Variants in ADAMTSL3 observed in about 807,000 individuals in gnomAD.
ADAMTSL3 encodes ADAMTS like 3, also known as ADAMTS-like protein 3.
Under a neutral mutation model 201.7 loss-of-function variants are expected in ADAMTSL3, and 128 were observed. The ratio of observed to expected loss-of-function variants is 0.63; its 90% CI spans 0.55 to 0.73. The LOEUF (loss-of-function observed/expected upper bound fraction) is 0.73, where lower values mean the gene tolerates loss of function less well. ADAMTSL3 is among the 30% of genes least tolerant of loss of function. The pLI, the probability that ADAMTSL3 is intolerant of heterozygous loss-of-function variation, is 0.00. For synonymous variants in ADAMTSL3, 738 were observed against 748.4 expected (o/e 0.99, Z 0.23); for missense variants, 1,990 against 2,119.6 (o/e 0.94, Z 1.20).
intron 3 of ADAMTSL3, among the ~76,000 whole-genome samples, chr15:83,730,021 G>A (rs1192267984): frequency 1.3e-5 from 2 of 152,018 alleles, no homozygotes; most frequent in African/African-American, 2.4e-5. Flanking sequence ...TAGCAGACTT[G>A]TAGAAGTACT....
At position 83,769,043 on chromosome 15, in the gene ADAMTSL3, C is replaced by T. The variant is rs2062935725; in HGVS notation, c.190-4480C>T. ...TATCTTACCTATCCAATCAGAGAAGCCAAATGCTTGCACTTATAACATGCC... is the reference window on the plus strand; with the variant it reads ...TATCTTACCTATCCAATCAGAGAAGTCAAATGCTTGCACTTATAACATGCC... On this transcript the variant is annotated intron_variant, in intron 3 of 29. Coordinates refer to ENST00000286744, the MANE Select transcript of ADAMTSL3 (RefSeq NM_207517.3). Among the ~76,000 whole-genome samples, 3 of 151,996 alleles carry T rather than the reference C, an allele frequency of 2.0e-5. No homozygotes were observed. The South Asian group carries it at 6.2e-4, about 32-fold the overall frequency.
chr15:83,787,587 G>C (rs1470730259), intron 4 of ADAMTSL3, among the ~76,000 whole-genome samples: 1 of 152,086 alleles, frequency 6.6e-6, no homozygotes, highest in Non-Finnish European at 1.5e-5. Context: ...GGCTTGAGGT[G>C]AAAAACAACA....
At chr15:83,931,229 G>A (rs902968722) in intron 17 of ADAMTSL3, among the ~76,000 whole-genome samples, 1 of 152,212 alleles carries the variant, frequency 6.6e-6, no homozygotes, top group African/African-American at 2.4e-5. Context: ...AAGGAGGAAA[G>A]CAAGAGGCAA....
chr15:83,958,682 T>C (rs539894610), intron 19 of ADAMTSL3, among the ~76,000 whole-genome samples: 29 of 151,944 alleles, frequency 1.9e-4, no homozygotes, highest in Admixed American at 1.6e-3. Context: ...TTTAAACAGA[T>C]GAAAATATAC....
intron 2 of ADAMTSL3, among the ~76,000 whole-genome samples, chr15:83,671,371 T>G (rs190336873): frequency 2.0e-5 from 3 of 152,350 alleles, no homozygotes; most frequent in African/African-American, 7.2e-5. Flanking sequence ...TTCTCCAGAT[T>G]CTTTAATCCA....
chr15:83,905,491 G>A (rs1245632409), intron 15 of ADAMTSL3, among the ~76,000 whole-genome samples: 1 of 152,170 alleles, frequency 6.6e-6, no homozygotes, highest in South Asian at 2.1e-4. Context: ...CCGGGGAGCA[G>A]TAATGGCAGC....
intron 3 of ADAMTSL3, among the ~76,000 whole-genome samples, chr15:83,773,199 G>T (rs1286195239): frequency 1.3e-5 from 2 of 152,034 alleles, no homozygotes; most frequent in Non-Finnish European, 1.5e-5. Flanking sequence ...ATCACCTGAG[G>T]TTAGGAGTTC....
At chr15:83,928,839 A>G (rs1224771169) in intron 17 of ADAMTSL3, among the ~76,000 whole-genome samples, 1 of 152,210 alleles carries the variant, frequency 6.6e-6, no homozygotes, top group Non-Finnish European at 1.5e-5. Flanking sequence ...CCACTTTATC[A>G]TGAAACCTGA....
intron 8 of ADAMTSL3, 55 bp downstream of exon 8, chr15:83,858,895 AAAAAAAC>A (rs1335818798): frequency 1.0e-5 from 15 of 1,463,132 alleles, no homozygotes; most frequent in African/African-American, 2.9e-5. Flanking sequence ...TAGTTAGCCA[AAAAAAAC>A]AAAAAACAAA....
rs773052250 is a variant in ADAMTSL3 at position 83,819,894 on chromosome 15, A to T, written c.447A>T (p.Glu149Asp). Residue 149 changes from glutamate (E) to aspartate (D), a missense_variant, in exon 6 of 30, where the codon GAA becomes GAT. Physicochemically the swap from Glu to Asp is conservative, Grantham distance 45. Coordinates refer to ENST00000286744, the MANE Select transcript of ADAMTSL3 (RefSeq NM_207517.3). ...NDVQYQGHYYEWLPRYNDPAA... is the reference protein window; with the variant it reads ...NDVQYQGHYYDWLPRYNDPAA... ...TCCAGTATCAGGGGCATTACTATGA[A>T]TGGCTTCCACGATATAATGATCCTG... The T allele has an allele frequency of 2.7e-5, 43 of 1,613,968 alleles. No individual in the cohort carries two copies. Among genetic ancestry groups the T allele is most frequent in the Non-Finnish European group, 3.3e-5 (39 of 1,180,014 alleles).
chr15:83,826,573 C>A (rs963043480), intron 6 of ADAMTSL3, among the ~76,000 whole-genome samples: 2 of 151,620 alleles, frequency 1.3e-5, no homozygotes, highest in Non-Finnish European at 1.5e-5. Context: ...AGGTTTGTTA[C>A]ATATGTATAC....
At position 83,897,871 on chromosome 15, in the gene ADAMTSL3, G is replaced by T. The variant is rs2065648329; in HGVS notation, c.1481G>T (p.Cys494Phe). ...AMEWSQCTVTCGRGLRYRVVL... is the reference protein window; with the variant it reads ...AMEWSQCTVTFGRGLRYRVVL... ...TCTTCTTTGAAGTGCACAGTGACTT[G>T]TGGCCGAGGGTTACGGTACCGGGTT... The change falls in exon 14 of 30, where the codon TGT (cysteine) becomes TTT (phenylalanine). Residue 494 changes from cysteine to phenylalanine, a missense_variant. By Grantham distance (205) the Cys-to-Phe change is radical. Transcript: ENST00000286744. 2 of 1,602,508 alleles carry T rather than the reference G, an allele frequency of 1.2e-6. No individual in the cohort carries two copies. The highest frequency in any genetic ancestry group is 2.2e-5 in the South Asian group (2 of 89,440).
intron 4 of ADAMTSL3, among the ~76,000 whole-genome samples, chr15:83,788,691 G>C (rs1260681933): frequency 6.6e-6 from 1 of 152,138 alleles, no homozygotes; most frequent in East Asian, 1.9e-4. Flanking sequence ...GTGGGTCTAT[G>C]TTCATTTGTT....
intron 7 of ADAMTSL3, among the ~76,000 whole-genome samples, chr15:83,850,201 G>C (rs1285929307): frequency 1.3e-5 from 2 of 152,048 alleles, no homozygotes; most frequent in Admixed American, 1.3e-4. Context: ...AGGCACAAAT[G>C]TCTGTCTTCC....
intron 3 of ADAMTSL3, among the ~76,000 whole-genome samples, chr15:83,731,446 T>G (rs977008428): frequency 6.6e-6 from 1 of 152,114 alleles, no homozygotes; most frequent in Non-Finnish European, 1.5e-5. Context: ...AACTCTTATA[T>G]GCTGTTGGTG....
chr15:83,776,160 C>T (rs954989666), intron 4 of ADAMTSL3, among the ~76,000 whole-genome samples: 7 of 152,150 alleles, frequency 4.6e-5, no homozygotes, highest in South Asian at 2.1e-4. Context: ...AAAATTTCTT[C>T]CTCTTGATTT....
At chr15:83,821,830 C>G (rs56882654) in intron 6 of ADAMTSL3, among the ~76,000 whole-genome samples, 1 of 150,306 alleles carries the variant, frequency 6.7e-6, no homozygotes, top group East Asian at 2.0e-4. Context: ...CGGGCAGAGG[C>G]GCCCCTCACC....
chr15:83,937,220 C>T (rs975627112), intron 17 of ADAMTSL3, among the ~76,000 whole-genome samples: 5 of 150,684 alleles, frequency 3.3e-5, no homozygotes, highest in Admixed American at 6.6e-5. Flanking sequence ...GTATGTTCAC[C>T]GCAGCACTAT....
intron 3 of ADAMTSL3, among the ~76,000 whole-genome samples, chr15:83,754,939 C>A (rs1408550557): frequency 1.3e-5 from 2 of 152,176 alleles, no homozygotes; most frequent in African/African-American, 4.8e-5. Context: ...TTCCCTACAA[C>A]TTTCTTCCAT....
Sources: gnomAD v4.1 joint callset for allele counts (sites outside exome capture counted in the v4.1 genomes callset) on GRCh38, gnomAD v4.1.1 for gene constraint, MANE v1.5 for transcripts, NCBI Gene and HGNC (gene_info 2026-07-23, HGNC 2026-07-21) for gene names.